SHISA6: variants seen among roughly 807,000 people sequenced by gnomAD.
SHISA6 encodes the protein protein shisa-6.
A neutral mutation model predicts 47.9 loss-of-function variants in SHISA6; 22 were observed. The ratio of observed to expected loss-of-function variants is 0.46; its 90% confidence interval spans 0.33 to 0.66. The LOEUF (loss-of-function observed/expected upper bound fraction) is 0.66, where lower values mean the gene tolerates loss of function less well. Among genes scored for constraint, SHISA6 ranks in the 30% least tolerant of loss-of-function variants. The pLI, the probability that SHISA6 is intolerant of heterozygous loss-of-function variation, is 0.02. For missense variants in SHISA6, 680 were observed against 764.6 expected, an observed-to-expected ratio of 0.89 and a Z score of 1.30; for synonymous variants, 388 against 337.8, an observed-to-expected ratio of 1.15 and a Z score of -1.63.
chr17:11,395,648 G>A (rs1913545554), intron 3 of SHISA6, among the ~76,000 whole-genome samples: 1 of 151,068 alleles, frequency 6.6e-6, no homozygotes, highest in Non-Finnish European at 1.5e-5. Flanking sequence ...TTCCCAAGTA[G>A]CTGGGATTAC....
At chr17:11,459,866 C>T (rs1027891532) in intron 3 of SHISA6, among the ~76,000 whole-genome samples, 1 of 152,184 alleles carries the variant, frequency 6.6e-6, no homozygotes, top group African/African-American at 2.4e-5. Context: ...GGGCAAGTCC[C>T]TGCAGTGGTT....
intron 3 of SHISA6, among the ~76,000 whole-genome samples, chr17:11,444,127 T>C (rs1915168145): frequency 6.6e-6 from 1 of 152,176 alleles, no homozygotes; most frequent in Admixed American, 6.5e-5. Context: ...GAGACCAGCC[T>C]GGCCAACATG....
At chr17:11,468,039 A>G (rs968483677) in intron 3 of SHISA6, among the ~76,000 whole-genome samples, 2 of 152,108 alleles carry the variant, frequency 1.3e-5, no homozygotes, top group Non-Finnish European at 2.9e-5. Context: ...CAGCCATATT[A>G]TTTAATTTAT....
chr17:11,557,332 G>C (rs1236291114), intron 5 of SHISA6, among the ~76,000 whole-genome samples: 1 of 152,180 alleles, frequency 6.6e-6, no homozygotes, highest in African/African-American at 2.4e-5. Context: ...TCAGGACCAT[G>C]GTGTGGTAGA....
intron 1 of SHISA6, among the ~76,000 whole-genome samples, chr17:11,260,883 C>T (rs550699668): frequency 3.9e-5 from 6 of 152,200 alleles, no homozygotes; most frequent in African/African-American, 1.4e-4. Flanking sequence ...CCCTGTTGTT[C>T]TCTCAGATGC....
Position 11,241,396 on chromosome 17 carries a change from C to T in SHISA6, c.-27C>T, listed in dbSNP as rs928538873. On this transcript the variant is annotated 5_prime_UTR_variant, in exon 1 of 6. Coordinates refer to ENST00000441885, the MANE Select transcript of SHISA6 (RefSeq NM_207386.4). The surrounding 1 kb of genome is among the most constrained non-coding windows in gnomAD (Gnocchi z 5.5). The stretch of plus-strand genomic sequence containing the variant: ...GGGGAGCGGCCTGCCGCGGAAGCCT[C>T]CCCGCGCCCTCCCGCCCGGCCCCGC... The T allele has an allele frequency of 4.6e-6, 5 of 1,093,240 alleles. No homozygotes were observed. The highest frequency in any genetic ancestry group is 5.6e-6 in the Non-Finnish European group (5 of 898,806). 67.7% of individuals were successfully genotyped at this position (1,093,240 alleles called of 1,614,324 possible). A position where few individuals can be genotyped will look rare whatever the true frequency, so the allele number is the denominator to read the frequency against.
At chr17:11,491,078 C>T (rs1048397093) in intron 3 of SHISA6, among the ~76,000 whole-genome samples, 3 of 152,134 alleles carry the variant, frequency 2.0e-5, no homozygotes, top group Admixed American at 1.3e-4. Flanking sequence ...GTGTCAGTGT[C>T]GGGTTAGGGG....
intron 3 of SHISA6, among the ~76,000 whole-genome samples, chr17:11,467,908 T>C (rs1305895361): frequency 3.9e-5 from 6 of 152,150 alleles, no homozygotes; most frequent in Admixed American, 3.3e-4. Flanking sequence ...TCTTGTTAGG[T>C]ACAGCTTCTA....
At chr17:11,423,698 A>G (rs1393690011) in intron 3 of SHISA6, among the ~76,000 whole-genome samples, 1 of 152,180 alleles carries the variant, frequency 6.6e-6, no homozygotes, top group Non-Finnish European at 1.5e-5. Flanking sequence ...AGCCGCCAAA[A>G]CTGCAAAATA....
chr17:11,353,661 C>T (rs1281784397), intron 2 of SHISA6, among the ~76,000 whole-genome samples: 2 of 152,052 alleles, frequency 1.3e-5, no homozygotes, highest in African/African-American at 2.4e-5. Context: ...CAAGGACCCT[C>T]GCATCATCAT....
At chr17:11,261,516 C>G (rs1011646349) in intron 1 of SHISA6, among the ~76,000 whole-genome samples, 4 of 152,234 alleles carry the variant, frequency 2.6e-5, no homozygotes, top group African/African-American at 7.2e-5. Context: ...AACCACAGTT[C>G]TGCTTTCTGT....
intron 4 of SHISA6, among the ~76,000 whole-genome samples, chr17:11,555,290 CA>C (rs2142390172): frequency 6.6e-6 from 1 of 152,076 alleles, no homozygotes; most frequent in African/African-American, 2.4e-5. Context: ...TCTATGGGTA[CA>C]TAAATAACAT....
At chr17:11,416,651 C>T (rs766130833) in intron 3 of SHISA6, among the ~76,000 whole-genome samples, 2 of 152,100 alleles carry the variant, frequency 1.3e-5, no homozygotes, top group African/African-American at 2.4e-5. Context: ...ATAATTTATG[C>T]GTTGGCTTTT....
chr17:11,416,462 C>T (rs1461536066), intron 3 of SHISA6, among the ~76,000 whole-genome samples: 3 of 151,958 alleles, frequency 2.0e-5, no homozygotes, highest in Non-Finnish European at 2.9e-5. Context: ...AGTTGTTGGT[C>T]GAAATTCACA....
intron 2 of SHISA6, among the ~76,000 whole-genome samples, chr17:11,286,179 A>T (rs1467485897): frequency 6.6e-6 from 1 of 152,038 alleles, no homozygotes; most frequent in South Asian, 2.1e-4. Context: ...TGTTTTTCAG[A>T]GTGGCCTCAC....
At chr17:11,534,157 CTTTT>C (rs373384700) in intron 3 of SHISA6, among the ~76,000 whole-genome samples, 7,268 of 92,864 alleles carry the variant, frequency 0.078, 109 homozygotes, top group Middle Eastern at 0.11. Flanking sequence ...TCTTTTTTTT[CTTTT>C]TTTTTTTTTT....
chr17:11,490,166 T>C (rs1209224558), intron 3 of SHISA6, among the ~76,000 whole-genome samples: 2 of 152,154 alleles, frequency 1.3e-5, no homozygotes, highest in Admixed American at 6.5e-5. Flanking sequence ...TGCCAAGGCA[T>C]TGGCCTGCGC....
At chr17:11,430,460 A>G (rs1296664288) in intron 3 of SHISA6, among the ~76,000 whole-genome samples, 1 of 152,140 alleles carries the variant, frequency 6.6e-6, no homozygotes, top group African/African-American at 2.4e-5. Flanking sequence ...TAAATCCACA[A>G]TGAACATGTT....
rs1907344068 is a variant in SHISA6, at chr17:11,241,681, G to A, written c.259G>A (p.Ala87Thr). ...GGCGGCTGTGGCGGCGGCGGCCAGC[G>A]CGGCCGTCACCTACGAGACGTGCTG... ...PAAAVAAAASAAVTYETCWGY... is the reference protein window; with the variant it reads ...PAAAVAAAASTAVTYETCWGY... Residue 87 changes from alanine to threonine, a missense_variant, in exon 1 of 6, where the codon GCG becomes ACG. Physicochemically the swap from Ala to Thr is moderately conservative, Grantham distance 58 (BLOSUM62 0). Transcript: ENST00000441885. This position sits in a 1 kb window ranked among gnomAD's most constrained non-coding sequence, Gnocchi z 5.5. 1 of 1,490,102 alleles carries A rather than the reference G, an allele frequency of 6.7e-7. No individual in the cohort carries two copies. The highest frequency in any genetic ancestry group is 8.9e-7 in the Non-Finnish European group (1 of 1,125,486). The allele number at this position is 1,490,102 out of a possible 1,614,324, so 92.3% of individuals were successfully genotyped here.
Sources: gnomAD v4.1 joint callset for allele counts (sites outside exome capture counted in the v4.1 genomes callset) on GRCh38, gnomAD v4.1.1 for gene constraint, Gnocchi (gnomAD v3.1) non-coding constraint, MANE v1.5 for transcripts, NCBI Gene and HGNC (gene_info 2026-07-23, HGNC 2026-07-21) for gene names.